PPP1R12B: variants seen among roughly 807,000 people sequenced by gnomAD.
PPP1R12B encodes the protein myosin phosphatase target subunit 2.
Under a neutral mutation model 126.1 loss-of-function variants are expected in PPP1R12B, and 76 were observed. The ratio of observed to expected loss-of-function variants is 0.60; its 90% CI spans 0.50 to 0.73. The LOEUF (loss-of-function observed/expected upper bound fraction) is 0.73, where lower values mean the gene tolerates loss of function less well. Ranked by LOEUF, PPP1R12B falls within the 30% of genes least tolerant of loss-of-function variation. PPP1R12B has a pLI of 0.00. For synonymous variants in PPP1R12B, 356 were observed against 434.7 expected (o/e 0.82, Z 2.25); for missense variants, 1,052 against 1,205.1 (o/e 0.87, Z 1.88).
intron 10 of PPP1R12B, chr1:202,438,326 G>GC: frequency 7.7e-7 from 1 of 1,303,596 alleles, no homozygotes; most frequent in Non-Finnish European, 1.1e-6. Flanking sequence ...TTTCAGTATG[G>GC]CGGAGGGGGG....
chr1:202,541,836 C>T (rs1157494568), intron 18 of PPP1R12B, among the ~76,000 whole-genome samples: 3 of 152,172 alleles, frequency 2.0e-5, no homozygotes, highest in Non-Finnish European at 4.4e-5. Context: ...CGTTTCACCA[C>T]CCCTCATCCC....
intron 18 of PPP1R12B, among the ~76,000 whole-genome samples, chr1:202,532,997 G>A (rs544153856): frequency 5.3e-5 from 8 of 150,560 alleles, no homozygotes; most frequent in Non-Finnish European, 1.0e-4. Context: ...AGCCTCCCGA[G>A]TAGCTGGGAT....
chr1:202,395,536 A>G (rs1664846949), intron 1 of PPP1R12B, among the ~76,000 whole-genome samples: 1 of 151,926 alleles, frequency 6.6e-6, no homozygotes, highest in African/African-American at 2.4e-5. Flanking sequence ...TTTTCCCTCC[A>G]CCTTGCTCTG....
At chr1:202,403,655 T>A (rs2741848) in intron 1 of PPP1R12B, among the ~76,000 whole-genome samples, 149,785 of 152,360 alleles carry the variant, frequency 0.98, 73,666 homozygotes, top group East Asian at 1. Context: ...GGCTCACTTT[T>A]GGATTATTTA....
In PPP1R12B at chr1:202,583,585, T is replaced by G. The variant is rs1689661893; in HGVS notation, c.*3025T>G. 6.6e-6 allele frequency: 1 copy of G among 152,240 alleles called. No homozygotes were observed. Among genetic ancestry groups the G allele is most frequent in the Admixed American group, 6.5e-5 (1 of 15,288 alleles). The allele number at this position is 152,240 out of a possible 1,614,324, so 9.4% of individuals were successfully genotyped here. ...TCTCCAGAGATAAAATACCATTCCTTCACAACTGTATTGTCTGGAAGCCCC... is the reference window on the plus strand; with the variant it reads ...TCTCCAGAGATAAAATACCATTCCTGCACAACTGTATTGTCTGGAAGCCCC... On this transcript the variant is annotated 3_prime_UTR_variant, in exon 24 of 24. Transcript: ENST00000608999.
At chr1:202,412,408 A>T (rs929793917) in intron 1 of PPP1R12B, among the ~76,000 whole-genome samples, 4 of 152,226 alleles carry the variant, frequency 2.6e-5, no homozygotes, top group Non-Finnish European at 5.9e-5. Context: ...GTAAGAGGGG[A>T]GGAAAGAGAA....
intron 1 of PPP1R12B, among the ~76,000 whole-genome samples, chr1:202,368,106 A>C (rs1282354919): frequency 6.6e-6 from 1 of 151,896 alleles, no homozygotes; most frequent in East Asian, 1.9e-4. Context: ...AGTAGCTGGG[A>C]TTATAGGCGC....
chr1:202,548,780 C>T (rs1685950283), intron 18 of PPP1R12B, among the ~76,000 whole-genome samples: 1 of 79,216 alleles, frequency 1.3e-5, no homozygotes, highest in African/African-American at 4.8e-5. Flanking sequence ...CTCGCTGTCT[C>T]TCTCTCTCTC....
intron 1 of PPP1R12B, among the ~76,000 whole-genome samples, chr1:202,392,678 C>T (rs960519456): frequency 1.3e-5 from 2 of 151,696 alleles, no homozygotes; most frequent in African/African-American, 4.8e-5. Flanking sequence ...CACACCACAC[C>T]TGGCTAATTT....
intron 1 of PPP1R12B, among the ~76,000 whole-genome samples, chr1:202,359,134 G>A (rs1198271375): frequency 3.5e-4 from 53 of 152,004 alleles, no homozygotes; most frequent in African/African-American, 1.2e-3. Flanking sequence ...GCCAATCCTA[G>A]ATATCACATA....
chr1:202,382,190 G>A (rs529007579), intron 1 of PPP1R12B, among the ~76,000 whole-genome samples: 3 of 149,560 alleles, frequency 2.0e-5, no homozygotes, highest in Non-Finnish European at 3.0e-5. Context: ...ACCAAACATC[G>A]CATGTTCTCC....
chr1:202,408,204 G>T (rs1472068450), intron 1 of PPP1R12B, among the ~76,000 whole-genome samples: 1 of 152,102 alleles, frequency 6.6e-6, no homozygotes, highest in Non-Finnish European at 1.5e-5. Context: ...AGGGGACTTT[G>T]AGCTTAGAAA....
intron 13 of PPP1R12B, among the ~76,000 whole-genome samples, chr1:202,467,272 G>A (rs1452773986): frequency 1.3e-5 from 2 of 149,092 alleles, no homozygotes; most frequent in African/African-American, 5.0e-5. Flanking sequence ...TGTGCAGAAC[G>A]TACAGGTTAG....
intron 1 of PPP1R12B, among the ~76,000 whole-genome samples, chr1:202,353,912 C>G (rs1335982174): frequency 6.6e-6 from 1 of 151,974 alleles, no homozygotes; most frequent in Non-Finnish European, 1.5e-5. Context: ...TATGCCTGGC[C>G]TCTCCCCAAT....
At chr1:202,531,872 C>T (rs910011819) in intron 18 of PPP1R12B, among the ~76,000 whole-genome samples, 2 of 152,092 alleles carry the variant, frequency 1.3e-5, no homozygotes, top group Non-Finnish European at 1.5e-5. Context: ...AAAAGCAGTC[C>T]GATCTGGACC....
chr1:202,507,140 A>G (rs12042458), intron 18 of PPP1R12B, among the ~76,000 whole-genome samples: 61,537 of 152,038 alleles, frequency 0.4, 14,610 homozygotes, highest in East Asian at 0.7. Context: ...CACCATGTAA[A>G]TGAGGAGAAA....
At chr1:202,360,783 C>T (rs1301974840) in intron 1 of PPP1R12B, among the ~76,000 whole-genome samples, 1 of 151,830 alleles carries the variant, frequency 6.6e-6, no homozygotes, top group African/African-American at 2.4e-5. Context: ...CAAGGCTTGA[C>T]AAGGTGCCTA....
chr1:202,536,970 T>G (rs1002106967), intron 18 of PPP1R12B, among the ~76,000 whole-genome samples: 47 of 152,226 alleles, frequency 3.1e-4, no homozygotes, highest in Non-Finnish European at 6.0e-4. Flanking sequence ...AGAACCTGCC[T>G]GAGGCAATTT....
chr1:202,577,288 T>G (rs1558396541), intron 23 of PPP1R12B: 1 of 152,224 alleles, frequency 6.6e-6, no homozygotes, highest in Non-Finnish European at 1.5e-5. Context: ...TTTTACGACA[T>G]ATGAACACGA....
Sources: allele counts gnomAD v4.1 joint callset (sites outside exome capture counted in the v4.1 genomes callset), GRCh38; gene constraint gnomAD v4.1.1; transcripts MANE v1.5; gene names NCBI Gene and HGNC (gene_info 2026-07-23, HGNC 2026-07-21).